The following LMX1A variants were observed in gnomAD, a reference collection of about 807,000 sequenced individuals.
The protein encoded by LMX1A is LIM homeobox transcription factor 1 alpha.
In LMX1A, 15 loss-of-function variants were observed where a neutral mutation model predicts 49.1. That is an observed-to-expected ratio of 0.31 (90% confidence interval 0.20 to 0.47). LMX1A has a LOEUF of 0.47. LMX1A is among the 20% of genes least tolerant of loss of function. The pLI, the probability that LMX1A is intolerant of heterozygous loss-of-function variation, is 1.00. For synonymous variants in LMX1A, 167 were observed against 185.7 expected, an observed-to-expected ratio of 0.90 and a Z score of 0.82; for missense variants, 372 against 475.8, an observed-to-expected ratio of 0.78 and a Z score of 2.03.
intron 4 of LMX1A, among the ~76,000 whole-genome samples, chr1:165,221,610 G>A (rs1651847175): frequency 6.6e-6 from 1 of 152,164 alleles, no homozygotes; most frequent in Admixed American, 6.5e-5. Flanking sequence ...GGCAGGGGGA[G>A]GGACCGGGCA....
chr1:165,247,227 C>T (rs1022762980), intron 4 of LMX1A, among the ~76,000 whole-genome samples: 1 of 151,916 alleles, frequency 6.6e-6, no homozygotes, highest in Admixed American at 6.6e-5. Flanking sequence ...GGCTAGACCA[C>T]AGCATTTATT....
chr1:165,325,061 ACAT>A (rs976130294), intron 3 of LMX1A, among the ~76,000 whole-genome samples: 2 of 152,108 alleles, frequency 1.3e-5, no homozygotes, highest in African/African-American at 4.8e-5. Context: ...GATGACCACC[ACAT>A]CATCATCTCT....
chr1:165,353,402 C>T, intron 2 of LMX1A, 140 bp from the exon 3 acceptor site: 1 of 654,820 alleles, frequency 1.5e-6, no homozygotes, highest in Admixed American at 3.0e-5. Context: ...TGCTAATCAA[C>T]CAAGCTGAAA....
intron 6 of LMX1A, among the ~76,000 whole-genome samples, chr1:165,209,787 C>A (rs1478032175): frequency 6.6e-6 from 1 of 152,186 alleles, no homozygotes; most frequent in Non-Finnish European, 1.5e-5. Context: ...GCAAATTAAT[C>A]AAATCCAAGG....
chr1:165,248,624 G>T (rs575203280), intron 4 of LMX1A, among the ~76,000 whole-genome samples: 79 of 152,314 alleles, frequency 5.2e-4, no homozygotes, highest in African/African-American at 1.8e-3. Flanking sequence ...GGTCGAGCGG[G>T]TGGTGAGGAG....
chr1:165,352,918 C>T (rs1278579568), intron 3 of LMX1A, among the ~76,000 whole-genome samples, 158 bp downstream of exon 3: 1 of 152,254 alleles, frequency 6.6e-6, no homozygotes, highest in African/African-American at 2.4e-5. Flanking sequence ...ACCACCTTCC[C>T]GTGAGGGGCA....
intron 4 of LMX1A, among the ~76,000 whole-genome samples, chr1:165,244,608 C>T (rs1354508): frequency 1 from 152,005 of 152,250 alleles, 75,880 homozygotes; most frequent in Middle Eastern, 1. Context: ...GAGTGGAGAG[C>T]AGAGAGGAGA....
At chr1:165,295,360 T>C (rs1314290002) in intron 3 of LMX1A, among the ~76,000 whole-genome samples, 1 of 150,998 alleles carries the variant, frequency 6.6e-6, no homozygotes, top group East Asian at 1.9e-4. Context: ...TTCTTTATTA[T>C]TTTTTCATAA....
At chr1:165,337,862 G>GTCTGTGCA (rs1295333656) in intron 3 of LMX1A, among the ~76,000 whole-genome samples, 3 of 118,848 alleles carry the variant, frequency 2.5e-5, no homozygotes, top group African/African-American at 9.2e-5. Flanking sequence ...GACAGAGTGT[G>GTCTGTGCA]TCTGTGCATC....
chr1:165,311,908 C>T (rs1298195301), intron 3 of LMX1A, among the ~76,000 whole-genome samples: 2 of 152,208 alleles, frequency 1.3e-5, no homozygotes, highest in Non-Finnish European at 2.9e-5. Context: ...AGTCTTAACT[C>T]GCAGCTTTGC....
At position 165,345,254 on chromosome 1, in the gene LMX1A, G is replaced by C. The variant is rs892358177; in HGVS notation, c.263+7822C>G. On this transcript the variant is annotated intron_variant, in intron 3 of 8. Transcript: ENST00000342310. The stretch of plus-strand genomic sequence containing the variant: ...AGGCAACAGAATTGTGAGTCAAGGC[G>C]TGGCTGCTGTGCAACTGAAGGGGTG... Among the ~76,000 whole-genome samples the C allele has an allele frequency of 3.9e-5, 6 of 152,322 alleles. No homozygotes were observed. The South Asian group carries it at 1.0e-3, about 26-fold the overall frequency.
intron 3 of LMX1A, among the ~76,000 whole-genome samples, chr1:165,304,198 G>A (rs1654860730): frequency 6.6e-6 from 1 of 152,058 alleles, no homozygotes; most frequent in African/African-American, 2.4e-5. Context: ...TCTATAAAGT[G>A]GGAACAATAA....
At chr1:165,351,014 C>T (rs1283375283) in intron 3 of LMX1A, among the ~76,000 whole-genome samples, 1 of 152,158 alleles carries the variant, frequency 6.6e-6, no homozygotes, top group African/African-American at 2.4e-5. Flanking sequence ...GCCCAAACCG[C>T]GCCAAACCTG....
At chr1:165,303,443 T>C (rs1390150941) in intron 3 of LMX1A, among the ~76,000 whole-genome samples, 3 of 152,258 alleles carry the variant, frequency 2.0e-5, no homozygotes, top group African/African-American at 7.2e-5. Context: ...TGCTTTGGGT[T>C]GTTCATTGAT....
At chr1:165,276,453 A>G (rs752725049) in intron 3 of LMX1A, among the ~76,000 whole-genome samples, 1 of 152,236 alleles carries the variant, frequency 6.6e-6, no homozygotes, top group Non-Finnish European at 1.5e-5. Flanking sequence ...CCCAGAAAGA[A>G]TCTGCACATG....
chr1:165,291,786 G>A (rs181550701), intron 3 of LMX1A, among the ~76,000 whole-genome samples: 131 of 152,244 alleles, frequency 8.6e-4, no homozygotes, highest in East Asian at 8.1e-3. Context: ...ATATGCGGCC[G>A]GGCGCGGTGG....
intron 3 of LMX1A, among the ~76,000 whole-genome samples, chr1:165,293,849 C>G (rs1571206678): frequency 6.6e-6 from 1 of 152,194 alleles, no homozygotes; most frequent in East Asian, 1.9e-4. Context: ...ATCTAATCGC[C>G]TCCCAAAGCC....
chr1:165,313,890 TAAC>T (rs201994621), intron 3 of LMX1A, among the ~76,000 whole-genome samples: 1,944 of 152,200 alleles, frequency 0.013, 15 homozygotes, highest in Middle Eastern at 0.02. Flanking sequence ...TCCCTGCAGG[TAAC>T]AACAACAACA....
rs548624791 is a variant in LMX1A, at chr1:165,296,640, G to T, written c.264-47000C>A. Among the ~76,000 whole-genome samples, 3 of 152,308 alleles carry T rather than the reference G, an allele frequency of 2.0e-5. No homozygotes were observed. The South Asian group carries it at 6.2e-4, about 32-fold the overall frequency. On this transcript the variant is annotated intron_variant, in intron 3 of 8. Transcript: ENST00000342310. ...GTGTGGTATAAACGGCAGATGTCTG[G>T]GCCCCACCCAAGGTTCCTATATCAG...
Sources: allele counts gnomAD v4.1 joint callset (sites outside exome capture counted in the v4.1 genomes callset), GRCh38; gene constraint gnomAD v4.1.1; transcripts MANE v1.5; gene names NCBI Gene and HGNC (gene_info 2026-07-23, HGNC 2026-07-21).